MRTFA: variants seen among roughly 807,000 people sequenced by gnomAD.
MRTFA encodes myocardin related transcription factor A.
MRTFA carries 20 observed loss-of-function variants against 83.5 expected under a neutral mutation model. The ratio of observed to expected loss-of-function variants is 0.24; its 90% confidence interval spans 0.17 to 0.35. MRTFA has a LOEUF of 0.35. Among genes scored for constraint, MRTFA ranks in the 10% least tolerant of loss-of-function variants. The pLI is 1.00. For synonymous variants in MRTFA, 659 were observed against 541.2 expected, an observed-to-expected ratio of 1.22 and a Z score of -3.02; for missense variants, 1,200 against 1,224.7, an observed-to-expected ratio of 0.98 and a Z score of 0.30.
intron 4 of MRTFA, among the ~76,000 whole-genome samples, chr22:40,446,018 G>A (rs972850251): frequency 6.6e-6 from 1 of 152,120 alleles, no homozygotes; most frequent in South Asian, 2.1e-4. Context: ...TTAGATTTAG[G>A]TTAAACATTT....
At chr22:40,424,592 G>A (rs1427217781) in intron 7 of MRTFA, among the ~76,000 whole-genome samples, 1 of 152,186 alleles carries the variant, frequency 6.6e-6, no homozygotes, top group African/African-American at 2.4e-5. Flanking sequence ...AGGCCAGAAA[G>A]GCCTCCTAGG....
intron 1 of MRTFA, among the ~76,000 whole-genome samples, chr22:40,631,239 A>T (rs146970702): frequency 1.3e-5 from 2 of 152,160 alleles, no homozygotes; most frequent in African/African-American, 4.8e-5. Context: ...CTGCATACTC[A>T]TATCAGTCTA....
chr22:40,599,808 A>C (rs2056236144), intron 1 of MRTFA, among the ~76,000 whole-genome samples: 1 of 151,988 alleles, frequency 6.6e-6, no homozygotes, highest in African/African-American at 2.4e-5. Context: ...CTGAGGTAGG[A>C]GGATCGCTTG....
At chr22:40,445,587 T>G (rs1035977602) in intron 4 of MRTFA, among the ~76,000 whole-genome samples, 1 of 152,042 alleles carries the variant, frequency 6.6e-6, no homozygotes, top group Non-Finnish European at 1.5e-5. Context: ...CAGGCTGGAG[T>G]GCAATGGCAC....
At chr22:40,577,848 C>A (rs1233240130) in intron 2 of MRTFA, among the ~76,000 whole-genome samples, 1 of 151,904 alleles carries the variant, frequency 6.6e-6, no homozygotes. Context: ...TCAGGTGATT[C>A]GCCAGCCTCA....
chr22:40,534,922 T>C (rs899969376), intron 3 of MRTFA, among the ~76,000 whole-genome samples: 1 of 152,084 alleles, frequency 6.6e-6, no homozygotes, highest in Non-Finnish European at 1.5e-5. Context: ...AGAGAGAAAA[T>C]AGTCTCAGAA....
At chr22:40,544,474 G>A (rs886101655) in intron 3 of MRTFA, among the ~76,000 whole-genome samples, 1 of 152,062 alleles carries the variant, frequency 6.6e-6, no homozygotes, top group African/African-American at 2.4e-5. Context: ...CCATCCTCCC[G>A]CCTTGGCCTC....
intron 3 of MRTFA, among the ~76,000 whole-genome samples, chr22:40,489,121 A>G (rs1218240101): frequency 6.6e-6 from 1 of 152,150 alleles, no homozygotes. Flanking sequence ...AAATATTAAG[A>G]ATTTATAATA....
chr22:40,592,551 C>T (rs1199114333), intron 2 of MRTFA, among the ~76,000 whole-genome samples: 1 of 149,800 alleles, frequency 6.7e-6, no homozygotes, highest in Non-Finnish European at 1.5e-5. Flanking sequence ...TGCAGTGATG[C>T]AATCACACCT....
intron 1 of MRTFA, among the ~76,000 whole-genome samples, chr22:40,618,074 T>C (rs2056475253): frequency 1.4e-5 from 2 of 146,310 alleles, no homozygotes; most frequent in South Asian, 4.4e-4. Flanking sequence ...AGTAAGGTTG[T>C]TTTTTGTTTT....
At chr22:40,492,210 G>C (rs372662653) in intron 3 of MRTFA, among the ~76,000 whole-genome samples, 3 of 152,226 alleles carry the variant, frequency 2.0e-5, no homozygotes, top group African/African-American at 7.2e-5. Context: ...ATTATTTGCC[G>C]AAGATCTGAT....
intron 1 of MRTFA, among the ~76,000 whole-genome samples, chr22:40,621,195 A>AG (rs1034547067): frequency 6.6e-6 from 1 of 151,964 alleles, no homozygotes; most frequent in African/African-American, 2.4e-5. Flanking sequence ...AAAAAAAAAA[A>AG]AAAGAAGAAG....
At chr22:40,557,989 G>A (rs1482718635) in intron 2 of MRTFA, among the ~76,000 whole-genome samples, 2 of 152,186 alleles carry the variant, frequency 1.3e-5, no homozygotes, top group Non-Finnish European at 2.9e-5. Flanking sequence ...GCCCAGGCTG[G>A]TCTTAAACTC....
At chr22:40,477,041 G>T (rs929542433) in intron 3 of MRTFA, among the ~76,000 whole-genome samples, 1 of 151,794 alleles carries the variant, frequency 6.6e-6, no homozygotes, top group African/African-American at 2.4e-5. Context: ...CTACAGAAAT[G>T]ACCTCTGGCC....
Position 40,418,428 on chromosome 22 carries a change from G to A in MRTFA, c.2310C>T (p.Thr770=), listed in dbSNP as rs779998479. The A allele has an allele frequency of 5.4e-5, 87 of 1,613,936 alleles. 1 individual carries two copies. The Middle Eastern group carries it at 6.6e-4, about 12-fold the overall frequency. The change falls in exon 12 of 15, where the codon ACC becomes ACT. Residue 770 remains threonine (T), a synonymous_variant. Transcript: ENST00000355630. ...GGCTGTCTGCATTCTTATTGGTCACGGTGAGGACAAGGTGGGTCCCTGTGG... is the reference window on the plus strand; with the variant it reads ...GGCTGTCTGCATTCTTATTGGTCACAGTGAGGACAAGGTGGGTCCCTGTGG...
intron 3 of MRTFA, among the ~76,000 whole-genome samples, chr22:40,474,691 C>T (rs2053964075): frequency 6.6e-6 from 1 of 152,152 alleles, no homozygotes; most frequent in Non-Finnish European, 1.5e-5. Context: ...TGACTGAAGG[C>T]CCCACCTTCA....
chr22:40,416,872 T>G lies in MRTFA; in HGVS notation c.2578+114A>C, dbSNP rs1033326701. Reference sequence around the variant, plus strand: ...ACAGCCACCACTGCATCCACAGTGCTTGCCCAAGACTGGTCACGCACGGAA... The same window carrying G: ...ACAGCCACCACTGCATCCACAGTGCGTGCCCAAGACTGGTCACGCACGGAA... On this transcript the variant is annotated intron_variant, in intron 14 of 14. Coordinates refer to ENST00000355630, the MANE Select transcript of MRTFA (RefSeq NM_020831.6). This position sits in a 1 kb window ranked among gnomAD's most constrained non-coding sequence, Gnocchi z 4.2. The G allele has an allele frequency of 2.0e-6, 2 of 1,005,430 alleles. No individual in the cohort carries two copies. Among genetic ancestry groups the G allele is most frequent in the African/African-American group, 3.3e-5 (2 of 61,258 alleles). The allele number at this position is 1,005,430 out of a possible 1,614,324, so 62.3% of individuals were successfully genotyped here.
chr22:40,566,833 AAAAAATAAAT>A (rs2055711764), intron 2 of MRTFA, among the ~76,000 whole-genome samples: 1 of 152,178 alleles, frequency 6.6e-6, no homozygotes, highest in Non-Finnish European at 1.5e-5. Context: ...ACTCCGTCTC[AAAAAATAAAT>A]AAAAATAAAT....
intron 2 of MRTFA, among the ~76,000 whole-genome samples, chr22:40,577,634 CAG>C (rs2055886540): frequency 7.3e-6 from 1 of 137,890 alleles, no homozygotes; most frequent in South Asian, 2.3e-4. Flanking sequence ...TTTTTTGAGA[CAG>C]AGTTTCCCTC....
Sources: allele counts gnomAD v4.1 joint callset (sites outside exome capture counted in the v4.1 genomes callset), GRCh38; gene constraint gnomAD v4.1.1; non-coding constraint Gnocchi (gnomAD v3.1); transcripts MANE v1.5; gene names NCBI Gene and HGNC (gene_info 2026-07-23, HGNC 2026-07-21).